The following BMS1 variants were observed in gnomAD, a reference collection of about 807,000 sequenced individuals.
BMS1 encodes BMS1 ribosome biogenesis factor, also known as ribosome biogenesis protein BMS1 homolog.
In BMS1, 53 loss-of-function variants were observed where a neutral mutation model predicts 138.7. The observed-to-expected ratio is 0.38, with a 90% CI of 0.31 to 0.48. BMS1 has a LOEUF of 0.48. Among genes scored for constraint, BMS1 ranks in the 20% least tolerant of loss-of-function variants. The pLI, the probability that BMS1 is intolerant of heterozygous loss-of-function variation, is 0.97. For synonymous variants in BMS1, 504 were observed against 539.9 expected, an observed-to-expected ratio of 0.93 and a Z score of 0.92; for missense variants, 1,360 against 1,565.5, an observed-to-expected ratio of 0.87 and a Z score of 2.22.
Position 42,823,655 on chromosome 10 carries a change from C to G in BMS1, c.3327C>G (p.Phe1109Leu). Residue 1109 changes from phenylalanine to leucine, a missense_variant, in exon 21 of 23, where the codon TTC (phenylalanine) becomes TTG (leucine). Transcript: ENST00000374518. ...GGTATCCTGTTTCCATCCCAGCGTT[C>G]TATAACCCAGTAACATCTTTGTTGA... The part of the protein sequence containing the change: ...RTWYPVSIPA[F>L]YNPVTSLLKP... The G allele has an allele frequency of 6.3e-7, 1 of 1,595,092 alleles. No individual in the cohort carries two copies. Among genetic ancestry groups the G allele is most frequent in the Non-Finnish European group, 8.5e-7 (1 of 1,179,190 alleles).
In BMS1 at chr10:42,833,754, C is replaced by T. The variant is rs1158559601; in HGVS notation, c.*2658C>T. 1 of 152,152 alleles carries T rather than the reference C, an allele frequency of 6.6e-6. No homozygotes were observed. The highest frequency in any genetic ancestry group is 2.4e-5 in the African/African-American group (1 of 41,420). The allele number at this position is 152,152 out of a possible 1,614,324, so 9.4% of individuals were successfully genotyped here. A position where few individuals can be genotyped will look rare whatever the true frequency, so the allele number is the denominator to read the frequency against. Reference sequence around the variant, plus strand: ...AGGAAGACATATATCAAAATAAGGACCAGACTGGAGAGTGTGTAAATTACT... The same window carrying T: ...AGGAAGACATATATCAAAATAAGGATCAGACTGGAGAGTGTGTAAATTACT... On this transcript the variant is annotated 3_prime_UTR_variant, in exon 23 of 23. Transcript: ENST00000374518.
chr10:42,804,573 A>T (rs1841961384), intron 13 of BMS1, among the ~76,000 whole-genome samples: 3 of 152,084 alleles, frequency 2.0e-5, no homozygotes, highest in African/African-American at 7.2e-5. Flanking sequence ...ATTTTGTTGA[A>T]TTCTAAGAAA....
In BMS1 at chr10:42,790,366, C is replaced by G; in HGVS notation, c.491C>G (p.Thr164Arg). ...GCCAGCTTTGGGTTTGAAATGGAAA[C>G]GTTTGAGTTTCTAAACATCTGTCAA... is the stretch of plus-strand genomic sequence containing the variant. ...IDASFGFEME[T>R]FEFLNICQVH... is the part of the protein sequence containing the mutation. The change falls in exon 5 of 23, where the codon ACG becomes AGG. Residue 164 changes from threonine (T) to arginine (R), a missense_variant. Thr to Arg is a moderately conservative substitution (Grantham distance 71). Transcript: ENST00000374518. 6.2e-7 allele frequency: 1 copy of G among 1,613,818 alleles called. No homozygotes were observed. The highest frequency in any genetic ancestry group is 8.5e-7 in the Non-Finnish European group (1 of 1,179,830).
At chr10:42,830,121 T>C (rs1219635988) in intron 21 of BMS1, 140 bp from the exon 22 acceptor site, 1 of 911,586 alleles carries the variant, frequency 1.1e-6, no homozygotes, top group Non-Finnish European at 1.7e-6. Flanking sequence ...GATGATTGAG[T>C]CCTGATTTCT....
In BMS1 at chr10:42,832,514, GT is replaced by G. The variant is rs2132403508; in HGVS notation, c.*1419del. The G allele has an allele frequency of 6.6e-6, 1 of 152,276 alleles. No individual in the cohort carries two copies. The highest frequency in any genetic ancestry group is 1.5e-5 in the Non-Finnish European group (1 of 68,044). The allele number at this position is 152,276 out of a possible 1,614,324, so 9.4% of individuals were successfully genotyped here. ...TGGGGCCCATGCTGACCTCTGTGTT[GT>G]GCCAGTTATAGTATGTGTGCTGCTG... On this transcript the variant is annotated 3_prime_UTR_variant, in exon 23 of 23. Coordinates refer to ENST00000374518, the MANE Select transcript of BMS1 (RefSeq NM_014753.4).
Position 42,832,713 on chromosome 10 carries a change from G to C in BMS1, c.*1617G>C, listed in dbSNP as rs1280064045. The C allele has an allele frequency of 6.6e-6, 1 of 152,116 alleles. No homozygotes were observed. The highest frequency in any genetic ancestry group is 1.5e-5 in the Non-Finnish European group (1 of 68,032). 9.4% of individuals were successfully genotyped at this position (152,116 alleles called of 1,614,324 possible). ...GGATGTGAGGATCCTGTCAGGGCTA[G>C]GTCCACCTGGGAAGTGACAATTGGA... is the stretch of plus-strand genomic sequence containing the variant. On this transcript the variant is annotated 3_prime_UTR_variant, in exon 23 of 23. Transcript: ENST00000374518.
At chr10:42,789,408 A>AT (rs11435193) in intron 4 of BMS1, among the ~76,000 whole-genome samples, 14,250 of 151,926 alleles carry the variant, frequency 0.094, 784 homozygotes, top group African/African-American at 0.12. Flanking sequence ...TTCTGTTTCC[A>AT]TTTTTTTTGT....
Position 42,798,136 on chromosome 10 carries a change from C to G in BMS1, c.2090-332C>G, listed in dbSNP as rs531558243. 3.6e-3 allele frequency among the ~76,000 whole-genome samples: 551 copies of G among 152,320 alleles called. 4 individuals are homozygous for G. The highest frequency in any genetic ancestry group is 0.013 in the African/African-American group (521 of 41,582). On this transcript the variant is annotated intron_variant, in intron 11 of 22. Transcript: ENST00000374518. ...TCTTAGTGATGAGAGGCTCAACACT[C>G]TTTAGAGCTCTTCTTTAATAATCTA...
chr10:42,811,515 A>ATTTT (rs869231584), intron 13 of BMS1, among the ~76,000 whole-genome samples: 1 of 112,116 alleles, frequency 8.9e-6, no homozygotes, highest in African/African-American at 3.8e-5. Context: ...CACGTGTTGT[A>ATTTT]TTTTCTTTTT....
intron 13 of BMS1, among the ~76,000 whole-genome samples, chr10:42,815,266 G>A (rs1362303870): frequency 3.9e-5 from 6 of 152,180 alleles, no homozygotes; most frequent in African/African-American, 1.4e-4. Flanking sequence ...ATGTGGTTAA[G>A]GCAAGGAAAG....
intron 13 of BMS1, among the ~76,000 whole-genome samples, chr10:42,803,507 G>C (rs989423366): frequency 6.6e-6 from 1 of 151,692 alleles, no homozygotes; most frequent in African/African-American, 2.4e-5. Context: ...TAATATCACT[G>C]ATCTCTGTTG....
rs200108943 is a variant in BMS1 at position 42,828,886 on chromosome 10, A to AAAT, written c.3457-1375_3457-1374insAAT. 5.7e-3 allele frequency among the ~76,000 whole-genome samples: 873 copies of AAAT among 152,304 alleles called. 11 individuals carry two copies. The highest frequency in any genetic ancestry group is 0.019 in the African/African-American group (805 of 41,562). Reference sequence around the variant, plus strand: ...GTCTTACATGAATTTTTATTAAAATACACTTCAGGATGTGGTGCCCATTAT... The same window carrying AAAT: ...GTCTTACATGAATTTTTATTAAAATAAATCACTTCAGGATGTGGTGCCCATTAT... On this transcript the variant is annotated intron_variant, in intron 21 of 22. Coordinates refer to ENST00000374518, the MANE Select transcript of BMS1 (RefSeq NM_014753.4).
intron 3 of BMS1, among the ~76,000 whole-genome samples, chr10:42,786,194 G>A (rs1159821213): frequency 1.3e-5 from 2 of 152,218 alleles, no homozygotes; most frequent in Non-Finnish European, 2.9e-5. Flanking sequence ...CACCTCCTAT[G>A]TGCCAGGTGC....
Position 42,831,252 on chromosome 10 carries a change from G to A in BMS1, c.*156G>A. On this transcript the variant is annotated 3_prime_UTR_variant, in exon 23 of 23. Coordinates refer to ENST00000374518, the MANE Select transcript of BMS1 (RefSeq NM_014753.4). The stretch of plus-strand genomic sequence containing the variant: ...CAGGAGGAGGAACAGAGAAGCCTGG[G>A]CTGCTGGGACTGGGTTCATTCTCAT... 1.3e-6 allele frequency: 1 copy of A among 790,708 alleles called. No individual in the cohort carries two copies. The highest frequency in any genetic ancestry group is 2.0e-6 in the Non-Finnish European group (1 of 502,456). 49.0% of individuals were successfully genotyped at this position (790,708 alleles called of 1,614,324 possible).
chr10:42,805,497 A>G (rs891584714), intron 13 of BMS1, among the ~76,000 whole-genome samples: 2 of 152,202 alleles, frequency 1.3e-5, no homozygotes, highest in Admixed American at 6.5e-5. Flanking sequence ...ATAAATTTTA[A>G]GATGAGCATG....
At position 42,797,227 on chromosome 10, in the gene BMS1, G is replaced by A. The variant is rs142050206; in HGVS notation, c.1983G>A (p.Thr661=). The change falls in exon 10 of 23, where the codon ACG becomes ACA. Residue 661 remains threonine (T), a synonymous_variant. Transcript: ENST00000374518. ...YKEENNDSKE[T]SGALKWKEDL... ...AAGAAAATAATGATTCCAAAGAAACGTCAGGTAAGCTTAAATGTAGTTGGT... is the reference window on the plus strand; with the variant it reads ...AAGAAAATAATGATTCCAAAGAAACATCAGGTAAGCTTAAATGTAGTTGGT... 7.1e-4 allele frequency: 1,131 copies of A among 1,602,650 alleles called. 7 individuals are homozygous for A. The Middle Eastern group carries it at 0.019, about 27-fold the overall frequency.
intron 12 of BMS1, among the ~76,000 whole-genome samples, chr10:42,800,772 G>A (rs1048317470): frequency 6.6e-5 from 10 of 152,022 alleles, no homozygotes; most frequent in Non-Finnish European, 8.8e-5. Flanking sequence ...CCTGAGCCAC[G>A]TGCCTCGGCC....
intron 4 of BMS1, among the ~76,000 whole-genome samples, chr10:42,789,543 C>G (rs907580502): frequency 1.3e-5 from 2 of 151,640 alleles, no homozygotes; most frequent in African/African-American, 4.8e-5. Context: ...AAAAATTGGT[C>G]TCATCTGCTT....
At chr10:42,809,244 T>C (rs1842098298) in intron 13 of BMS1, among the ~76,000 whole-genome samples, 1 of 152,196 alleles carries the variant, frequency 6.6e-6, no homozygotes, top group African/African-American at 2.4e-5. Flanking sequence ...TTGATTTTGA[T>C]TGATTTTCAT....
Sources: gnomAD v4.1 joint callset for allele counts (sites outside exome capture counted in the v4.1 genomes callset) on GRCh38, gnomAD v4.1.1 for gene constraint, MANE v1.5 for transcripts, NCBI Gene and HGNC (gene_info 2026-07-23, HGNC 2026-07-21) for gene names.